HIPK3: variants seen among roughly 807,000 people sequenced by gnomAD.
HIPK3 encodes homeodomain-interacting protein kinase 3.
In HIPK3, 47 loss-of-function variants were observed where a neutral mutation model predicts 124.2. The ratio of observed to expected loss-of-function variants is 0.38; its 90% CI spans 0.30 to 0.48. HIPK3 has a LOEUF of 0.48. Among genes scored for constraint, HIPK3 ranks in the 20% least tolerant of loss-of-function variants. HIPK3 has a pLI of 0.98. For synonymous variants in HIPK3, 482 were observed against 515.2 expected, an observed-to-expected ratio of 0.94 and a Z score of 0.87; for missense variants, 1,286 against 1,454.3, an observed-to-expected ratio of 0.88 and a Z score of 1.88.
chr11:33,347,582 T>A, intron 9 of HIPK3, 47 bp from the exon 10 acceptor site: 1 of 1,594,928 alleles, frequency 6.3e-7, no homozygotes, highest in Non-Finnish European at 8.6e-7. Flanking sequence ...TAAAGTTCAA[T>A]TACTTATAAC....
upstream of HIPK3, chr11:33,256,845 A>G (rs1406366986): frequency 1.4e-5 from 4 of 279,014 alleles, no homozygotes; most frequent in Admixed American, 6.5e-5. Flanking sequence ...ACCTGGCTTT[A>G]CAATTCTCTT....
intron 2 of HIPK3, among the ~76,000 whole-genome samples, chr11:33,324,280 C>G (rs1377623828): frequency 6.6e-6 from 1 of 152,126 alleles, no homozygotes; most frequent in African/African-American, 2.4e-5. Context: ...GCTGGTAGAA[C>G]TGTCATGTCT....
intron 2 of HIPK3, among the ~76,000 whole-genome samples, chr11:33,318,368 G>A (rs1852566822): frequency 6.6e-6 from 1 of 152,062 alleles, no homozygotes; most frequent in Admixed American, 6.6e-5. Flanking sequence ...ACAGTGACTG[G>A]CCCAAAAGTC....
chr11:33,338,445 G>C lies in HIPK3; in HGVS notation c.1342-312G>C, dbSNP rs1343804738. Among the ~76,000 whole-genome samples, 3 of 152,158 alleles carry C rather than the reference G, an allele frequency of 2.0e-5. No individual in the cohort carries two copies. In the East Asian group the frequency reaches 5.8e-4, roughly 29 times the overall value. On this transcript the variant is annotated intron_variant, in intron 4 of 16. Coordinates refer to ENST00000303296, the MANE Select transcript of HIPK3 (RefSeq NM_005734.5). ...GACGGGGTTTCACCATGTTGACCAG[G>C]ATGGTCTCGATCTCTTGACCTCGTG...
chr11:33,306,595 TTG>T (rs1346924323), intron 2 of HIPK3, among the ~76,000 whole-genome samples: 11 of 152,340 alleles, frequency 7.2e-5, no homozygotes, highest in African/African-American at 2.4e-4. Context: ...CTGCCACTTA[TTG>T]TGTCACCCTG....
chr11:33,262,187 C>G (rs1461793774), intron 1 of HIPK3, among the ~76,000 whole-genome samples: 3 of 152,120 alleles, frequency 2.0e-5, no homozygotes. Context: ...CTTATGTGGC[C>G]TACTTAAGGA....
chr11:33,332,805 A>G lies in HIPK3; in HGVS notation c.1221+4172A>G, dbSNP rs1853026537. The stretch of plus-strand genomic sequence containing the variant: ...GCCATTTGCATTGCTATAAAGGAAT[A>G]CCTGAGTAATTTATAAAGAAAAGAG... On this transcript the variant is annotated intron_variant, in intron 3 of 16. Coordinates refer to ENST00000303296, the MANE Select transcript of HIPK3 (RefSeq NM_005734.5). 1.3e-5 allele frequency among the ~76,000 whole-genome samples: 2 copies of G among 152,226 alleles called. 1 individual carries two copies. The highest frequency in any genetic ancestry group is 4.1e-4 in the South Asian group (2 of 4,820).
chr11:33,352,349 CTG>C, intron 16 of HIPK3, 84 bp downstream of exon 16: 10 of 1,425,164 alleles, frequency 7.0e-6, no homozygotes, highest in Non-Finnish European at 8.8e-6. Context: ...GCTTCTGAAA[CTG>C]TATGTAGTGT....
intron 1 of HIPK3, among the ~76,000 whole-genome samples, chr11:33,273,001 ATTT>A (rs1247640708): frequency 6.9e-6 from 1 of 145,738 alleles, no homozygotes; most frequent in Non-Finnish European, 1.5e-5. Context: ...TGCCTGGCTA[ATTT>A]TTTTTTTTAA....
At chr11:33,259,471 TA>T (rs34760779) in intron 1 of HIPK3, among the ~76,000 whole-genome samples, 1 of 152,188 alleles carries the variant, frequency 6.6e-6, no homozygotes, top group Non-Finnish European at 1.5e-5. Flanking sequence ...TGACCTTTTG[TA>T]AAAAAAGTTT....
intron 1 of HIPK3, among the ~76,000 whole-genome samples, chr11:33,266,869 T>C (rs1054097483): frequency 5.3e-5 from 8 of 152,206 alleles, no homozygotes; most frequent in Non-Finnish European, 8.8e-5. Context: ...AAGTATCTTA[T>C]AGAGATAAAC....
Position 33,330,784 on chromosome 11 carries a change from A to AT in HIPK3, c.1221+2164dup, listed in dbSNP as rs1198852696. Among the ~76,000 whole-genome samples, 146 of 139,202 alleles carry AT rather than the reference A, an allele frequency of 1.0e-3. 1 individual carries two copies. Among genetic ancestry groups the AT allele is most frequent in the Middle Eastern group, 3.5e-3 (1 of 284 alleles). 91.3% of individuals were successfully genotyped at this position (139,202 alleles called of 152,430 possible). ...ATAAAGGCTTTGATAAATTTTGATA[A>AT]TTTTTTTTTTTTTCCCTATCAGTCT... On this transcript the variant is annotated intron_variant, in intron 3 of 16. Coordinates refer to ENST00000303296, the MANE Select transcript of HIPK3 (RefSeq NM_005734.5).
At chr11:33,331,399 G>C (rs1214003062) in intron 3 of HIPK3, among the ~76,000 whole-genome samples, 1 of 152,068 alleles carries the variant, frequency 6.6e-6, no homozygotes, top group African/African-American at 2.4e-5. Flanking sequence ...TTTTAGACAG[G>C]GTCTCAGTCT....
At chr11:33,264,382 A>G (rs1376915054) in intron 1 of HIPK3, among the ~76,000 whole-genome samples, 1 of 152,146 alleles carries the variant, frequency 6.6e-6, no homozygotes, top group East Asian at 1.9e-4. Context: ...ACCTTTTCCC[A>G]TCCAAGTACT....
At chr11:33,263,832 A>C (rs1850887585) in intron 1 of HIPK3, among the ~76,000 whole-genome samples, 1 of 152,068 alleles carries the variant, frequency 6.6e-6, no homozygotes, top group African/African-American at 2.4e-5. Context: ...ACTTTTCCTT[A>C]AGGTGGAGTT....
intron 2 of HIPK3, among the ~76,000 whole-genome samples, chr11:33,304,076 G>GCGTGC (rs1226094038): frequency 6.6e-6 from 1 of 152,080 alleles, no homozygotes; most frequent in Non-Finnish European, 1.5e-5. Context: ...AAGTAGCTGG[G>GCGTGC]ACTACAGGCG....
intron 1 of HIPK3, among the ~76,000 whole-genome samples, chr11:33,267,690 G>A (rs1316589788): frequency 3.3e-5 from 5 of 150,350 alleles, no homozygotes; most frequent in Non-Finnish European, 7.4e-5. Flanking sequence ...TAGAGATGGG[G>A]TTTCACTGTG....
At chr11:33,267,728 C>T (rs1474833899) in intron 1 of HIPK3, among the ~76,000 whole-genome samples, 2 of 150,226 alleles carry the variant, frequency 1.3e-5, no homozygotes, top group African/African-American at 2.4e-5. Flanking sequence ...CATCTCCTGA[C>T]CTCGTGATCC....
At chr11:33,315,575 C>T (rs2133950171) in intron 2 of HIPK3, among the ~76,000 whole-genome samples, 1 of 152,268 alleles carries the variant, frequency 6.6e-6, no homozygotes, top group South Asian at 2.1e-4. Context: ...GTTGCCCAGC[C>T]TTGTCTCGAA....
Sources: gnomAD v4.1 joint callset for allele counts (sites outside exome capture counted in the v4.1 genomes callset) on GRCh38, gnomAD v4.1.1 for gene constraint, MANE v1.5 for transcripts, NCBI Gene and HGNC (gene_info 2026-07-23, HGNC 2026-07-21) for gene names.